The following FRYL variants were observed in gnomAD, a reference collection of about 807,000 sequenced individuals.
The protein encoded by FRYL is FRY like transcription coactivator.
Under a neutral mutation model 351.2 loss-of-function variants are expected in FRYL, and 150 were observed. The ratio of observed to expected loss-of-function variants is 0.43; its 90% CI spans 0.37 to 0.49. The LOEUF (loss-of-function observed/expected upper bound fraction) is 0.49. Ranked by LOEUF, FRYL falls within the 20% of genes least tolerant of loss-of-function variation. The probability of loss-of-function intolerance (pLI) is 0.00; values close to 1 mark genes in which losing one functional copy is unlikely to be tolerated. For missense variants in FRYL, 3,036 were observed against 3,619.3 expected, an observed-to-expected ratio of 0.84 and a Z score of 4.13; for synonymous variants, 1,153 against 1,257.1, an observed-to-expected ratio of 0.92 and a Z score of 1.75.
chr4:48,535,328 T>A (rs1400347559), intron 48 of FRYL, among the ~76,000 whole-genome samples: 7 of 152,110 alleles, frequency 4.6e-5, no homozygotes, highest in Non-Finnish European at 2.9e-5. Context: ...AAAGTGTATA[T>A]TATTTTGAGT....
In FRYL at chr4:48,717,419, G is replaced by A. The variant is rs550740880; in HGVS notation, c.-383-6721C>T. On this transcript the variant is annotated intron_variant, in intron 1 of 63. Coordinates refer to ENST00000358350, the MANE Select transcript of FRYL (RefSeq NM_015030.2). Reference sequence around the variant, plus strand: ...CGTAAGTGGTTGCCTAGGGCCAGGAGACAAAAGATAGGTGGTGACTATTAA... The same window carrying A: ...CGTAAGTGGTTGCCTAGGGCCAGGAAACAAAAGATAGGTGGTGACTATTAA... Among the ~76,000 whole-genome samples the A allele has an allele frequency of 2.8e-3, 418 of 151,752 alleles. 8 individuals carry two copies. The highest frequency in any genetic ancestry group is 9.2e-3 in the African/African-American group (382 of 41,470).
chr4:48,777,041 T>A (rs1230574490), intron 1 of FRYL, among the ~76,000 whole-genome samples: 1 of 148,118 alleles, frequency 6.8e-6, no homozygotes, highest in Non-Finnish European at 1.5e-5. Context: ...GGGTCTAATT[T>A]AAAAAAAAAA....
At chr4:48,689,047 T>C (rs1765442390) in intron 2 of FRYL, among the ~76,000 whole-genome samples, 1 of 152,210 alleles carries the variant, frequency 6.6e-6, no homozygotes, top group African/African-American at 2.4e-5. Flanking sequence ...TTATATTACA[T>C]GACCTGCTAA....
chr4:48,739,669 T>A (rs1771835094), intron 1 of FRYL, among the ~76,000 whole-genome samples: 1 of 152,144 alleles, frequency 6.6e-6, no homozygotes, highest in Non-Finnish European at 1.5e-5. Context: ...TGGCAATGAC[T>A]TTTTAGATAT....
intron 1 of FRYL, among the ~76,000 whole-genome samples, chr4:48,734,455 T>C (rs1434957796): frequency 6.6e-6 from 1 of 152,192 alleles, no homozygotes; most frequent in Non-Finnish European, 1.5e-5. Context: ...AATCCACTAT[T>C]AGAGTTGTAG....
At position 48,723,654 on chromosome 4, in the gene FRYL, A is replaced by G. The variant is rs1560316453; in HGVS notation, c.-383-12956T>C. 3.9e-5 allele frequency among the ~76,000 whole-genome samples: 6 copies of G among 152,192 alleles called. 1 individual carries two copies. Among genetic ancestry groups the G allele is most frequent in the African/African-American group, 1.4e-4 (6 of 41,532 alleles). On this transcript the variant is annotated intron_variant, in intron 1 of 63. Coordinates refer to ENST00000358350, the MANE Select transcript of FRYL (RefSeq NM_015030.2). ...AATACTGTATATCCTAACTCAGACC[A>G]TTTATCTCCAAATCCACTGCTGCTA...
At chr4:48,555,243 G>C (rs75603131) in intron 35 of FRYL, among the ~76,000 whole-genome samples, 1 of 152,024 alleles carries the variant, frequency 6.6e-6, no homozygotes, top group South Asian at 2.1e-4. Flanking sequence ...TCCCCCATTC[G>C]TTCATCCAAT....
chr4:48,734,810 A>G (rs1206066110), intron 1 of FRYL, among the ~76,000 whole-genome samples: 1 of 152,204 alleles, frequency 6.6e-6, no homozygotes, highest in Admixed American at 6.5e-5. Flanking sequence ...TCCTTTCCCC[A>G]TTGCTTGTTT....
intron 44 of FRYL, among the ~76,000 whole-genome samples, chr4:48,543,151 C>A (rs1256990519): frequency 6.6e-6 from 1 of 152,208 alleles, no homozygotes; most frequent in Non-Finnish European, 1.5e-5. Flanking sequence ...CTGAAATATT[C>A]TTCCCCAGAT....
chr4:48,568,783 G>A (rs1353362532), intron 27 of FRYL, among the ~76,000 whole-genome samples: 1 of 152,012 alleles, frequency 6.6e-6, no homozygotes, highest in African/African-American at 2.4e-5. Context: ...TGTTTTTCAA[G>A]CTCTGGATCA....
At chr4:48,655,202 T>A (rs926291727) in intron 3 of FRYL, among the ~76,000 whole-genome samples, 1 of 152,148 alleles carries the variant, frequency 6.6e-6, no homozygotes, top group African/African-American at 2.4e-5. Context: ...AAGGTATATT[T>A]TTTCTCAGAG....
At chr4:48,606,640 A>G (rs1312404638) in intron 9 of FRYL, 34 bp from the exon 10 acceptor site, 2 of 1,521,500 alleles carry the variant, frequency 1.3e-6, no homozygotes, top group Non-Finnish European at 1.8e-6. Context: ...TTTGATTTGA[A>G]TTAAAAACAC....
intron 1 of FRYL, among the ~76,000 whole-genome samples, chr4:48,755,662 G>T (rs1773700360): frequency 6.6e-6 from 1 of 152,146 alleles, no homozygotes; most frequent in African/African-American, 2.4e-5. Context: ...TTGAGGCCAT[G>T]TGATACTTTT....
intron 3 of FRYL, among the ~76,000 whole-genome samples, chr4:48,667,094 A>T (rs1761842836): frequency 1.3e-5 from 2 of 152,080 alleles, no homozygotes; most frequent in African/African-American, 4.8e-5. Flanking sequence ...TTTACAGCTA[A>T]TTTTTTTTAA....
chr4:48,746,921 G>T (rs1419811300), intron 1 of FRYL, among the ~76,000 whole-genome samples: 1 of 152,144 alleles, frequency 6.6e-6, no homozygotes, highest in Non-Finnish European at 1.5e-5. Flanking sequence ...GACAACCCAC[G>T]TGAGAAATGC....
chr4:48,505,358 A>T (rs1233998979), intron 60 of FRYL, 189 bp downstream of exon 60: 1 of 632,570 alleles, frequency 1.6e-6, no homozygotes, highest in East Asian at 3.0e-5. Flanking sequence ...CATTTTTATT[A>T]AAGTGAATTT....
intron 50 of FRYL, among the ~76,000 whole-genome samples, chr4:48,529,053 C>T (rs909058236): frequency 6.6e-6 from 1 of 152,196 alleles, no homozygotes; most frequent in Non-Finnish European, 1.5e-5. Flanking sequence ...GAACTTCACA[C>T]ACCAGCAAAA....
intron 38 of FRYL, 152 bp downstream of exon 38, chr4:48,550,440 A>C: frequency 1.8e-6 from 1 of 570,686 alleles, no homozygotes; most frequent in Non-Finnish European, 3.1e-6. Context: ...TCTTAAAATC[A>C]AGATGTTTCA....
At chr4:48,510,474 G>A (rs1215036606) in intron 58 of FRYL, among the ~76,000 whole-genome samples, 1 of 152,160 alleles carries the variant, frequency 6.6e-6, no homozygotes, top group Non-Finnish European at 1.5e-5. Flanking sequence ...TAATCTAGAA[G>A]TGTGCTTAGA....
Sources: gnomAD v4.1 joint callset for allele counts (sites outside exome capture counted in the v4.1 genomes callset) on GRCh38, gnomAD v4.1.1 for gene constraint, MANE v1.5 for transcripts, NCBI Gene and HGNC (gene_info 2026-07-23, HGNC 2026-07-21) for gene names.